Variants in NEGR1 observed in about 807,000 individuals in gnomAD.
NEGR1 encodes the protein IgLON family member 4.
A neutral mutation model predicts 40.9 loss-of-function variants in NEGR1; 10 were observed. The observed-to-expected ratio is 0.24, with a 90% CI of 0.15 to 0.42. The LOEUF is 0.42. Among genes scored for constraint, NEGR1 ranks in the 10% least tolerant of loss-of-function variants. NEGR1 has a pLI of 1.00. For synonymous variants in NEGR1, 185 were observed against 166.8 expected, an observed-to-expected ratio of 1.11 and a Z score of -0.84; for missense variants, 352 against 438.9, an observed-to-expected ratio of 0.80 and a Z score of 1.77.
At chr1:72,087,476 G>T (rs2100538303) in intron 1 of NEGR1, among the ~76,000 whole-genome samples, 1 of 151,172 alleles carries the variant, frequency 6.6e-6, no homozygotes, top group East Asian at 1.9e-4. Flanking sequence ...CCTCAGTATA[G>T]CAAAACTATA....
chr1:71,540,212 CT>C lies in NEGR1; in HGVS notation c.940+52604del, dbSNP rs1341904379. Among the ~76,000 whole-genome samples, 6 of 151,792 alleles carry C rather than the reference CT, an allele frequency of 4.0e-5. No homozygotes were observed. The East Asian group carries it at 1.2e-3, about 30-fold the overall frequency. ...TCCATTATCACAGAAGAATAAATGT[CT>C]TAGTTTTCAGCAAACTCACTTGGTT... On this transcript the variant is annotated intron_variant, in intron 6 of 6. Coordinates refer to ENST00000357731, the MANE Select transcript of NEGR1 (RefSeq NM_173808.3).
intron 2 of NEGR1, among the ~76,000 whole-genome samples, chr1:71,907,825 A>G (rs1213811704): frequency 1.3e-5 from 2 of 152,180 alleles, no homozygotes; most frequent in Non-Finnish European, 2.9e-5. Flanking sequence ...TGCAGCCATG[A>G]AAAGAACAAA....
chr1:71,611,179 G>T, intron 4 of NEGR1, 33 bp from the exon 5 acceptor site: 1 of 1,590,942 alleles, frequency 6.3e-7, no homozygotes, highest in Non-Finnish European at 8.6e-7. Context: ...AATACTAGTA[G>T]ATAAGTAAAA....
intron 4 of NEGR1, among the ~76,000 whole-genome samples, chr1:71,689,725 T>C (rs1049176778): frequency 3.3e-5 from 5 of 151,730 alleles, no homozygotes; most frequent in African/African-American, 9.7e-5. Context: ...AGTATCACTA[T>C]ACATCTGAGT....
chr1:71,791,844 A>G (rs916194177), intron 2 of NEGR1, among the ~76,000 whole-genome samples: 6 of 152,116 alleles, frequency 3.9e-5, no homozygotes, highest in African/African-American at 1.4e-4. Flanking sequence ...ATCAGAAAAG[A>G]TTTGATGAGA....
intron 3 of NEGR1, among the ~76,000 whole-genome samples, chr1:71,748,323 T>C (rs564365173): frequency 1.3e-4 from 20 of 152,180 alleles, no homozygotes; most frequent in Middle Eastern, 3.2e-3. Flanking sequence ...TAGTACACAA[T>C]GTAGTTCCCC....
At chr1:71,850,778 T>C (rs1200681006) in intron 2 of NEGR1, among the ~76,000 whole-genome samples, 1 of 152,168 alleles carries the variant, frequency 6.6e-6, no homozygotes, top group African/African-American at 2.4e-5. Flanking sequence ...GGGAATACAA[T>C]ATTATTTATT....
chr1:72,255,150 T>C (rs531273940), intron 1 of NEGR1, among the ~76,000 whole-genome samples: 2 of 151,306 alleles, frequency 1.3e-5, no homozygotes, highest in South Asian at 4.1e-4. Flanking sequence ...AAAATGAACC[T>C]GTGAACAGGG....
chr1:71,610,307 C>G (rs948095432), intron 5 of NEGR1, among the ~76,000 whole-genome samples: 3 of 152,126 alleles, frequency 2.0e-5, no homozygotes, highest in Non-Finnish European at 4.4e-5. Context: ...TACAGTTCAC[C>G]CACAGGGGTC....
intron 6 of NEGR1, among the ~76,000 whole-genome samples, chr1:71,473,302 G>A (rs1310373733): frequency 1.3e-5 from 2 of 152,032 alleles, no homozygotes; most frequent in African/African-American, 4.8e-5. Flanking sequence ...AACAGAAATA[G>A]GGCATGGATT....
chr1:71,898,855 AATATATTGCAAATAT>A (rs1273233221), intron 2 of NEGR1, among the ~76,000 whole-genome samples: 68 of 146,322 alleles, frequency 4.6e-4, no homozygotes, highest in Non-Finnish European at 5.7e-4. Context: ...AAATATATAT[AATATATTGCAAATAT>A]ATATATTGCA....
intron 6 of NEGR1, among the ~76,000 whole-genome samples, chr1:71,529,359 G>T (rs1360498706): frequency 4.6e-5 from 7 of 151,134 alleles, no homozygotes; most frequent in African/African-American, 1.7e-4. Context: ...TATAAAACCA[G>T]CATTAGGGCA....
chr1:71,647,418 A>G (rs988252), intron 4 of NEGR1, among the ~76,000 whole-genome samples: 57,615 of 151,738 alleles, frequency 0.38, 11,571 homozygotes, highest in East Asian at 0.65. Flanking sequence ...GAAGGAAAGC[A>G]CTATGTCTTT....
chr1:72,235,098 G>T (rs1654504295), intron 1 of NEGR1, among the ~76,000 whole-genome samples: 1 of 152,088 alleles, frequency 6.6e-6, no homozygotes, highest in Non-Finnish European at 1.5e-5. Flanking sequence ...TTTTATAAAG[G>T]AGGGTGAGTT....
At chr1:71,673,221 A>G (rs1652495822) in intron 4 of NEGR1, among the ~76,000 whole-genome samples, 1 of 141,144 alleles carries the variant, frequency 7.1e-6, no homozygotes, top group Admixed American at 6.8e-5. Flanking sequence ...TGCATCTCCA[A>G]AAAAAAACAA....
Position 71,737,944 on chromosome 1 carries a change from C to T in NEGR1, c.535+38228G>A, listed in dbSNP as rs370750054. On this transcript the variant is annotated intron_variant, in intron 3 of 6. Coordinates refer to ENST00000357731, the MANE Select transcript of NEGR1 (RefSeq NM_173808.3). Reference sequence around the variant, plus strand: ...TCGGTTTAGGCAACTGTGTCTCTTCCCAGAGCCAGCACCTGCTGGGTACAT... The same window carrying T: ...TCGGTTTAGGCAACTGTGTCTCTTCTCAGAGCCAGCACCTGCTGGGTACAT... 1.4e-3 allele frequency among the ~76,000 whole-genome samples: 207 copies of T among 152,192 alleles called. 1 individual carries two copies. The highest frequency in any genetic ancestry group is 4.7e-3 in the African/African-American group (195 of 41,540).
At chr1:72,182,148 A>G (rs960860450) in intron 1 of NEGR1, among the ~76,000 whole-genome samples, 1 of 152,202 alleles carries the variant, frequency 6.6e-6, no homozygotes, top group African/African-American at 2.4e-5. Context: ...ATCTATATGT[A>G]TCCCATAATA....
chr1:72,014,052 C>T (rs990440480), intron 1 of NEGR1, among the ~76,000 whole-genome samples: 2 of 145,682 alleles, frequency 1.4e-5, no homozygotes, highest in African/African-American at 5.1e-5. Flanking sequence ...ATTCATAATG[C>T]ATATTAGCAT....
chr1:71,499,424 G>A (rs1646985158), intron 6 of NEGR1, among the ~76,000 whole-genome samples: 2 of 147,114 alleles, frequency 1.4e-5, no homozygotes, highest in South Asian at 2.1e-4. Context: ...ATATATATAT[G>A]GCACATAATT....
Sources: allele counts gnomAD v4.1 joint callset (sites outside exome capture counted in the v4.1 genomes callset), GRCh38; gene constraint gnomAD v4.1.1; transcripts MANE v1.5; gene names NCBI Gene and HGNC (gene_info 2026-07-23, HGNC 2026-07-21).